The following PGM5 variants were observed in gnomAD, a reference collection of about 807,000 sequenced individuals.
The protein encoded by PGM5 is phosphoglucomutase 5.
In PGM5, 23 loss-of-function variants were observed where a neutral mutation model predicts 59.2. The ratio of observed to expected loss-of-function variants is 0.39; its 90% CI spans 0.28 to 0.55. The LOEUF (loss-of-function observed/expected upper bound fraction) is 0.55, where lower values mean the gene tolerates loss of function less well. Ranked by LOEUF, PGM5 falls within the 20% of genes least tolerant of loss-of-function variation. The pLI, the probability that PGM5 is intolerant of heterozygous loss-of-function variation, is 0.66. For missense variants in PGM5, 574 were observed against 748.3 expected, an observed-to-expected ratio of 0.77 and a Z score of 2.72; for synonymous variants, 214 against 286.0, an observed-to-expected ratio of 0.75 and a Z score of 2.54.
chr9:68,486,638 T>A (rs1302473129), intron 9 of PGM5, among the ~76,000 whole-genome samples: 1 of 152,256 alleles, frequency 6.6e-6, no homozygotes, highest in Admixed American at 6.5e-5. Context: ...CAAGTAATAT[T>A]CTATCACGTG....
Position 68,444,186 on chromosome 9 carries a change from A to G in PGM5, c.1044-20907A>G, listed in dbSNP as rs574319172. On this transcript the variant is annotated intron_variant, in intron 6 of 10. Transcript: ENST00000396396. ...GGATCAAAGACAGAAATATTGAGCT[A>G]TTTGGAATAAGTAGAGTGGTGGGCA... is the stretch of plus-strand genomic sequence containing the variant. 2.6e-5 allele frequency among the ~76,000 whole-genome samples: 4 copies of G among 151,710 alleles called. No homozygotes were observed. The South Asian group carries it at 8.3e-4, about 32-fold the overall frequency.
chr9:68,440,059 T>C (rs782357746), intron 6 of PGM5, among the ~76,000 whole-genome samples: 1 of 152,148 alleles, frequency 6.6e-6, no homozygotes, highest in Admixed American at 6.5e-5. Flanking sequence ...ATTAGGATAA[T>C]TTTAAAGTAC....
intron 10 of PGM5, among the ~76,000 whole-genome samples, chr9:68,520,812 C>T (rs371343025): frequency 1.3e-5 from 2 of 152,138 alleles, no homozygotes; most frequent in South Asian, 4.1e-4. Flanking sequence ...GGGAGAACGA[C>T]TTGATGGGTT....
chr9:68,432,605 A>T, intron 6 of PGM5, among the ~76,000 whole-genome samples: 1 of 151,136 alleles, frequency 6.6e-6, no homozygotes, highest in Admixed American at 6.6e-5. Context: ...AGAATATTTA[A>T]ATGTACCATT....
At chr9:68,505,024 G>A (rs1824632888) in intron 10 of PGM5, among the ~76,000 whole-genome samples, 1 of 152,134 alleles carries the variant, frequency 6.6e-6, no homozygotes, top group African/African-American at 2.4e-5. Flanking sequence ...CAACATGCAG[G>A]CTCCATTCTA....
intron 6 of PGM5, among the ~76,000 whole-genome samples, chr9:68,395,434 C>T (rs1207871690): frequency 6.6e-6 from 1 of 152,002 alleles, no homozygotes; most frequent in Non-Finnish European, 1.5e-5. Context: ...TTCTAGGTCC[C>T]CTGCATTTTA....
intron 2 of PGM5, among the ~76,000 whole-genome samples, chr9:68,379,633 C>G (rs1448723143): frequency 2.6e-5 from 4 of 152,090 alleles, no homozygotes; most frequent in Non-Finnish European, 2.9e-5. Flanking sequence ...ATGGGTTAAA[C>G]TCTCCAATCA....
chr9:68,405,110 C>G (rs1216605468), intron 6 of PGM5: 2 of 152,174 alleles, frequency 1.3e-5, no homozygotes, highest in African/African-American at 4.8e-5. Flanking sequence ...GAAGACAAAG[C>G]TTTTCTTTCC....
chr9:68,401,671 T>C (rs1297543934), intron 6 of PGM5, among the ~76,000 whole-genome samples: 1 of 151,946 alleles, frequency 6.6e-6, no homozygotes, highest in Non-Finnish European at 1.5e-5. Context: ...AACGGGAACA[T>C]TAACTTCATG....
chr9:68,384,336 A>C, intron 2 of PGM5, 62 bp from the exon 3 acceptor site: 9 of 1,169,828 alleles, frequency 7.7e-6, no homozygotes, highest in Non-Finnish European at 1.1e-5. Context: ...GGATGGTAAC[A>C]TTTCACTGCT....
chr9:68,529,570 G>T lies in PGM5; in HGVS notation c.1618G>T (p.Val540Leu). Residue 540 changes from valine to leucine, a missense_variant, in exon 11 of 11, where the codon GTG becomes TTG. By Grantham distance (32) the Val-to-Leu change is conservative (BLOSUM62 1). This residue lies in a region of PGM5 where 300 missense variants were observed against 280.0 expected (regional missense o/e 1.07). Transcript: ENST00000396396. ...GACTTTCCTTTTCCTTTTGCAGGCAGTGCTGAGCCCTCTCATAGCCATCGC... is the reference window on the plus strand; with the variant it reads ...GACTTTCCTTTTCCTTTTGCAGGCATTGCTGAGCCCTCTCATAGCCATCGC... ...PSGHDQEPQAVLSPLIAIALK... is the reference protein window; with the variant it reads ...PSGHDQEPQALLSPLIAIALK... 4 of 1,591,688 alleles carry T rather than the reference G, an allele frequency of 2.5e-6. No individual in the cohort carries two copies. Among genetic ancestry groups the T allele is most frequent in the Non-Finnish European group, 2.6e-6 (3 of 1,165,418 alleles).
intron 10 of PGM5, among the ~76,000 whole-genome samples, chr9:68,504,317 A>G (rs1824623231): frequency 6.6e-6 from 1 of 152,202 alleles, no homozygotes; most frequent in Admixed American, 6.5e-5. Context: ...AGTAAATGGC[A>G]GTTCCTAAAA....
At chr9:68,391,988 G>A (rs1822376845) in intron 5 of PGM5, among the ~76,000 whole-genome samples, 1 of 152,064 alleles carries the variant, frequency 6.6e-6, no homozygotes, top group Admixed American at 6.6e-5. Flanking sequence ...ATTTATGGCT[G>A]GTGTTGTTGA....
intron 7 of PGM5, among the ~76,000 whole-genome samples, chr9:68,472,669 G>A (rs1648868349): frequency 6.6e-6 from 1 of 152,186 alleles, no homozygotes; most frequent in South Asian, 2.1e-4. Context: ...TTCATTCAGT[G>A]AACATTTACT....
intron 6 of PGM5, among the ~76,000 whole-genome samples, chr9:68,452,083 G>T (rs1823705679): frequency 6.6e-6 from 1 of 152,178 alleles, no homozygotes; most frequent in African/African-American, 2.4e-5. Flanking sequence ...TATTCCTCCT[G>T]CTCCATTCAC....
At chr9:68,465,608 C>A (rs552774847) in intron 7 of PGM5, among the ~76,000 whole-genome samples, 2 of 152,214 alleles carry the variant, frequency 1.3e-5, no homozygotes, top group East Asian at 1.9e-4. Flanking sequence ...ATTGTTTTAT[C>A]CGTAAGCATT....
intron 6 of PGM5, chr9:68,406,209 C>T (rs1822805959): frequency 6.6e-6 from 1 of 152,104 alleles, no homozygotes; most frequent in Non-Finnish European, 1.5e-5. Context: ...GGCTGTTTAC[C>T]TAACTTCTCA....
intron 7 of PGM5, among the ~76,000 whole-genome samples, chr9:68,468,548 A>T (rs1355305499): frequency 6.6e-6 from 1 of 152,226 alleles, no homozygotes; most frequent in Non-Finnish European, 1.5e-5. Flanking sequence ...TTCAATAAAC[A>T]TTTACTCAGT....
In PGM5 at chr9:68,356,977, G is replaced by A. The variant is rs1834457165; in HGVS notation, c.-151G>A. On this transcript the variant is annotated 5_prime_UTR_variant, in exon 1 of 11. Coordinates refer to ENST00000396396, the MANE Select transcript of PGM5 (RefSeq NM_021965.4). ...GGAGGGGCGGGCGGTCCCCAGGCGG[G>A]CGGGTGCAGGGCGCAGGGCGCCGAC... The A allele has an allele frequency of 2.8e-6, 2 of 723,180 alleles. No individual in the cohort carries two copies. The highest frequency in any genetic ancestry group is 4.0e-6 in the Non-Finnish European group (2 of 498,040). The allele number at this position is 723,180 out of a possible 1,614,324, so 44.8% of individuals were successfully genotyped here. A position where few individuals can be genotyped will look rare whatever the true frequency, so the allele number is the denominator to read the frequency against.
Sources: allele counts gnomAD v4.1 joint callset (sites outside exome capture counted in the v4.1 genomes callset), GRCh38; gene constraint gnomAD v4.1.1; regional missense constraint gnomAD v4.1.1; transcripts MANE v1.5; gene names NCBI Gene and HGNC (gene_info 2026-07-23, HGNC 2026-07-21).